Variants in TLL1 observed in about 807,000 individuals in gnomAD.
The protein encoded by TLL1 is tolloid-like protein 1.
In TLL1, 49 loss-of-function variants were observed where a neutral mutation model predicts 128.2. The ratio of observed to expected loss-of-function variants is 0.38; its 90% CI spans 0.30 to 0.48. The LOEUF (loss-of-function observed/expected upper bound fraction) is 0.48, where lower values mean the gene tolerates loss of function less well. Among genes scored for constraint, TLL1 ranks in the 20% least tolerant of loss-of-function variants. The pLI, the probability that TLL1 is intolerant of heterozygous loss-of-function variation, is 0.96. For missense variants in TLL1, 1,123 were observed against 1,242.0 expected (o/e 0.90, Z 1.44); for synonymous variants, 454 against 418.8 (o/e 1.08, Z -1.03).
rs1223220704 is a variant in TLL1, at chr4:166,025,333, C to G, written c.1060C>G (p.Gln354Glu). ...CCTTTCAGCATGTGGAGAAACTCTA[C>G]AAGAATCCAATGGCAACCTTTCCTC... Reference protein sequence around the residue: ...YRCPACGETLQESNGNLSSPG... With the variant: ...YRCPACGETLEESNGNLSSPG... Residue 354 changes from glutamine (Q) to glutamate (E), a missense_variant, in exon 9 of 21, where the codon CAA becomes GAA. Transcript: ENST00000061240. 2 of 1,613,160 alleles carry G rather than the reference C, an allele frequency of 1.2e-6. No homozygotes were observed.
chr4:166,021,601 T>A (rs1266028675), intron 8 of TLL1, among the ~76,000 whole-genome samples: 1 of 152,022 alleles, frequency 6.6e-6, no homozygotes, highest in Non-Finnish European at 1.5e-5. Context: ...CCCGGCTAAA[T>A]TTTGTATTTT....
In TLL1 at chr4:165,941,295, G is replaced by A. The variant is rs562557387; in HGVS notation, c.170-48086G>A. Among the ~76,000 whole-genome samples, 10 of 152,180 alleles carry A rather than the reference G, an allele frequency of 6.6e-5. No homozygotes were observed. In the South Asian group the frequency reaches 1.5e-3, roughly 22 times the overall value. On this transcript the variant is annotated intron_variant, in intron 1 of 20. Transcript: ENST00000061240. ...GTTTATAAAAGAGAGACTTTGAGAA[G>A]GGGTAATTTTTCTGATGTCCTACAG...
chr4:166,061,285 G>T (rs1740301953), intron 15 of TLL1, among the ~76,000 whole-genome samples: 1 of 141,494 alleles, frequency 7.1e-6, no homozygotes, highest in Non-Finnish European at 1.5e-5. Context: ...TCGCTCTGTT[G>T]CCCAGGCTGG....
intron 19 of TLL1, among the ~76,000 whole-genome samples, chr4:166,094,960 A>C (rs767388277): frequency 6.6e-6 from 1 of 152,104 alleles, no homozygotes; most frequent in African/African-American, 2.4e-5. Context: ...CTGATAAGTT[A>C]AACTTATGAT....
At chr4:165,933,409 G>A (rs1733619953) in intron 1 of TLL1, among the ~76,000 whole-genome samples, 1 of 152,090 alleles carries the variant, frequency 6.6e-6, no homozygotes. Flanking sequence ...GGAAATCAGG[G>A]ATGATGGGTG....
chr4:166,071,876 G>A (rs181702807), intron 16 of TLL1, among the ~76,000 whole-genome samples: 12 of 151,822 alleles, frequency 7.9e-5, no homozygotes, highest in Middle Eastern at 3.2e-3. Flanking sequence ...ATTAACTCCC[G>A]TTCAAACAAG....
chr4:165,879,256 A>G (rs1190025274), intron 1 of TLL1, among the ~76,000 whole-genome samples: 1 of 152,076 alleles, frequency 6.6e-6, no homozygotes, highest in Non-Finnish European at 1.5e-5. Context: ...TTCCTTTTCT[A>G]TGAAAGCCTA....
chr4:165,956,871 C>A (rs555733072), intron 1 of TLL1, among the ~76,000 whole-genome samples: 1 of 152,076 alleles, frequency 6.6e-6, no homozygotes, highest in East Asian at 1.9e-4. Context: ...GTTTGGGGTC[C>A]CTGACTTCCC....
intron 1 of TLL1, among the ~76,000 whole-genome samples, chr4:165,928,410 T>A (rs1200988975): frequency 6.6e-6 from 1 of 152,056 alleles, no homozygotes; most frequent in East Asian, 1.9e-4. Context: ...CCACTCTCTA[T>A]AGGAGAGTTG....
chr4:165,931,567 A>T (rs1195991113), intron 1 of TLL1, among the ~76,000 whole-genome samples: 1 of 151,830 alleles, frequency 6.6e-6, no homozygotes, highest in Non-Finnish European at 1.5e-5. Context: ...AATACAAAAA[A>T]AATTAGCCGG....
intron 2 of TLL1, among the ~76,000 whole-genome samples, 157 bp from the exon 3 acceptor site, chr4:165,992,647 T>C (rs1030910781): frequency 6.6e-6 from 1 of 152,090 alleles, no homozygotes; most frequent in Non-Finnish European, 1.5e-5. Flanking sequence ...CTGTAGAGTT[T>C]TTACCCCCTT....
chr4:166,043,519 C>A, intron 12 of TLL1, 100 bp downstream of exon 12: 1 of 1,541,830 alleles, frequency 6.5e-7, no homozygotes, highest in South Asian at 1.1e-5. Context: ...AGAGAGTCAG[C>A]CTTTTAATCA....
At chr4:165,919,711 G>T (rs1195523186) in intron 1 of TLL1, 6 of 414,268 alleles carry the variant, frequency 1.4e-5, no homozygotes, top group Non-Finnish European at 2.9e-5. Context: ...ATTTCTTGCT[G>T]TGGCGGGATA....
chr4:165,960,970 C>T (rs971342630), intron 1 of TLL1, among the ~76,000 whole-genome samples: 8 of 152,056 alleles, frequency 5.3e-5, no homozygotes, highest in South Asian at 4.2e-4. Context: ...AGGTTCTACC[C>T]GGAATAATCA....
chr4:166,030,717 C>T (rs1738729274), intron 9 of TLL1: 5 of 1,182,126 alleles, frequency 4.2e-6, no homozygotes, highest in South Asian at 8.7e-5. Context: ...GTTTCTTCAA[C>T]ACCATTTGTT....
chr4:166,050,600 T>C (rs1006030993), intron 12 of TLL1, among the ~76,000 whole-genome samples: 8 of 152,160 alleles, frequency 5.3e-5, no homozygotes, highest in Admixed American at 5.2e-4. Context: ...CAATAGATAT[T>C]TGTGCAATGG....
At chr4:165,877,075 A>G (rs920273555) in intron 1 of TLL1, among the ~76,000 whole-genome samples, 5 of 152,230 alleles carry the variant, frequency 3.3e-5, no homozygotes, top group African/African-American at 1.2e-4. Flanking sequence ...AACGTGTGTT[A>G]CCCAATGAGA....
intron 1 of TLL1, among the ~76,000 whole-genome samples, chr4:165,925,977 G>T (rs1265582778): frequency 6.6e-6 from 1 of 152,060 alleles, no homozygotes; most frequent in East Asian, 1.9e-4. Flanking sequence ...TAATTCTATT[G>T]CACACTTAAT....
chr4:166,098,320 G>A (rs1388251272), intron 19 of TLL1, among the ~76,000 whole-genome samples: 1 of 121,752 alleles, frequency 8.2e-6, no homozygotes, highest in Admixed American at 9.4e-5. Flanking sequence ...GGGTGATAGA[G>A]CGAGAGTTCT....
Sources: gnomAD v4.1 joint callset for allele counts (sites outside exome capture counted in the v4.1 genomes callset) on GRCh38, gnomAD v4.1.1 for gene constraint, MANE v1.5 for transcripts, NCBI Gene and HGNC (gene_info 2026-07-23, HGNC 2026-07-21) for gene names.